The following GSK3B variants were observed in gnomAD, a reference collection of about 807,000 sequenced individuals.
GSK3B encodes the protein glycogen synthase kinase-3 beta.
In GSK3B, 15 loss-of-function variants were observed where a neutral mutation model predicts 56.4. That is an observed-to-expected ratio of 0.27 (90% CI 0.18 to 0.41). The LOEUF (loss-of-function observed/expected upper bound fraction) is 0.41, where lower values mean the gene tolerates loss of function less well. Among genes scored for constraint, GSK3B ranks in the 10% least tolerant of loss-of-function variants. The probability of loss-of-function intolerance (pLI) is 1.00; values close to 1 mark genes in which losing one functional copy is unlikely to be tolerated. For synonymous variants in GSK3B, 181 were observed against 188.9 expected (o/e 0.96, Z 0.34); for missense variants, 300 against 513.4 (o/e 0.58, Z 4.02).
At chr3:119,919,905 G>GAA (rs112249816) in intron 4 of GSK3B, among the ~76,000 whole-genome samples, 4 of 150,726 alleles carry the variant, frequency 2.7e-5, no homozygotes, top group African/African-American at 9.8e-5. Context: ...ATTTTTAACT[G>GAA]AAAAAAAAGA....
At chr3:120,061,981 C>A (rs62266274) in intron 1 of GSK3B, among the ~76,000 whole-genome samples, 2 of 152,076 alleles carry the variant, frequency 1.3e-5, no homozygotes, top group East Asian at 1.9e-4. Context: ...ATCTGCCCGC[C>A]TTGGCCTCCC....
intron 8 of GSK3B, among the ~76,000 whole-genome samples, chr3:119,868,242 T>C (rs912753081): frequency 6.6e-6 from 1 of 152,182 alleles, no homozygotes; most frequent in Non-Finnish European, 1.5e-5. Flanking sequence ...CAGCAACTCA[T>C]TTTCTTAAAT....
chr3:120,006,405 C>A (rs529549402), intron 1 of GSK3B, among the ~76,000 whole-genome samples: 1 of 152,256 alleles, frequency 6.6e-6, no homozygotes, highest in South Asian at 2.1e-4. Context: ...AGCTTTGGAC[C>A]AAGCGGACCT....
At chr3:120,055,985 T>C (rs2107547235) in intron 1 of GSK3B, among the ~76,000 whole-genome samples, 1 of 152,346 alleles carries the variant, frequency 6.6e-6, no homozygotes, top group East Asian at 1.9e-4. Flanking sequence ...ATTTTCATAA[T>C]AACATCATTT....
At chr3:120,079,305 TACACACACACACACACACACACACAC>T (rs61338597) in intron 1 of GSK3B, among the ~76,000 whole-genome samples, 15 of 128,418 alleles carry the variant, frequency 1.2e-4, no homozygotes, top group Admixed American at 2.4e-4. Flanking sequence ...GACAGGAAAT[TACACACACACACACACACACACACAC>T]ACACACACAC....
chr3:120,025,587 C>T (rs1356390029), intron 1 of GSK3B, among the ~76,000 whole-genome samples: 2 of 152,120 alleles, frequency 1.3e-5, no homozygotes, highest in African/African-American at 4.8e-5. Flanking sequence ...TAGAAAATTT[C>T]GTTGAAACTT....
At chr3:119,852,537 G>A (rs751453984) in intron 9 of GSK3B, among the ~76,000 whole-genome samples, 10 of 151,798 alleles carry the variant, frequency 6.6e-5, no homozygotes, top group Admixed American at 6.6e-5. Flanking sequence ...TAGTAGAGAC[G>A]GGTTTTCGCC....
intron 1 of GSK3B, among the ~76,000 whole-genome samples, chr3:120,084,065 A>C (rs772477846): frequency 6.8e-4 from 104 of 152,200 alleles, no homozygotes; most frequent in Admixed American, 1.5e-3. Flanking sequence ...GGATGGTTAC[A>C]CAAGTCTATG....
chr3:119,905,876 C>T, intron 6 of GSK3B, 24 bp from the exon 7 acceptor site: 2 of 1,226,372 alleles, frequency 1.6e-6, no homozygotes, highest in South Asian at 1.2e-5. Flanking sequence ...AAAACGAAGC[C>T]TTATTAATAC....
chr3:120,069,758 T>C (rs1164174341), intron 1 of GSK3B, among the ~76,000 whole-genome samples: 1 of 152,044 alleles, frequency 6.6e-6, no homozygotes, highest in Non-Finnish European at 1.5e-5. Flanking sequence ...AACAAAACTT[T>C]AAAGGTACCT....
At chr3:119,899,758 T>C (rs1483200751) in intron 7 of GSK3B, among the ~76,000 whole-genome samples, 3 of 152,140 alleles carry the variant, frequency 2.0e-5, no homozygotes, top group Admixed American at 6.6e-5. Context: ...TATGATTTCT[T>C]AGAAAAAATC....
At chr3:119,835,398 CAAA>C (rs2055675060) in intron 10 of GSK3B, among the ~76,000 whole-genome samples, 1 of 152,006 alleles carries the variant, frequency 6.6e-6, no homozygotes, top group African/African-American at 2.4e-5. Context: ...ACAACAAAAA[CAAA>C]AAACCCCATC....
intron 1 of GSK3B, among the ~76,000 whole-genome samples, chr3:120,086,470 G>T (rs2058464109): frequency 6.6e-6 from 1 of 152,172 alleles, no homozygotes; most frequent in African/African-American, 2.4e-5. Context: ...GTTTCCACAA[G>T]AGATTTTTCT....
intron 3 of GSK3B, among the ~76,000 whole-genome samples, chr3:119,925,153 A>G (rs2056878646): frequency 6.6e-6 from 1 of 151,134 alleles, no homozygotes; most frequent in African/African-American, 2.4e-5. Context: ...ACATGGCAAA[A>G]CCCCATCTCT....
At chr3:119,865,961 G>T (rs577151354) in intron 8 of GSK3B, among the ~76,000 whole-genome samples, 19 of 152,166 alleles carry the variant, frequency 1.2e-4, no homozygotes, top group African/African-American at 3.9e-4. Context: ...GATTTAACCT[G>T]CCTTTACAAA....
chr3:119,866,490 C>T, intron 8 of GSK3B: 3 of 789,780 alleles, frequency 3.8e-6, no homozygotes, highest in Non-Finnish European at 6.8e-6. Flanking sequence ...TTTACTATTA[C>T]ATTTCAAGAA....
At chr3:120,075,403 A>G (rs1234179407) in intron 1 of GSK3B, among the ~76,000 whole-genome samples, 1 of 152,194 alleles carries the variant, frequency 6.6e-6, no homozygotes, top group Non-Finnish European at 1.5e-5. Flanking sequence ...AAGAGTATTT[A>G]GACAAGAAAA....
At chr3:120,015,059 A>G (rs1007872152) in intron 1 of GSK3B, among the ~76,000 whole-genome samples, 6 of 152,234 alleles carry the variant, frequency 3.9e-5, no homozygotes, top group African/African-American at 1.4e-4. Flanking sequence ...ACAAAGGTTT[A>G]TATCACAAGT....
chr3:119,942,502 G>A (rs1168860804), intron 3 of GSK3B, among the ~76,000 whole-genome samples: 2 of 151,966 alleles, frequency 1.3e-5, no homozygotes. Flanking sequence ...GTTTCACTAC[G>A]TTGGCCAAGC....
Sources: gnomAD v4.1 joint callset for allele counts (sites outside exome capture counted in the v4.1 genomes callset) on GRCh38, gnomAD v4.1.1 for gene constraint, MANE v1.5 for transcripts, NCBI Gene and HGNC (gene_info 2026-07-23, HGNC 2026-07-21) for gene names.